DROSHA: variants seen among roughly 807,000 people sequenced by gnomAD.
DROSHA encodes ribonuclease 3.
In DROSHA, 56 loss-of-function variants were observed where a neutral mutation model predicts 181.9. That is an observed-to-expected ratio of 0.31 (90% CI 0.25 to 0.38). The LOEUF (loss-of-function observed/expected upper bound fraction) is 0.38. Ranked by LOEUF, DROSHA falls within the 10% of genes least tolerant of loss-of-function variation. The probability of loss-of-function intolerance (pLI) is 1.00; values close to 1 mark genes in which losing one functional copy is unlikely to be tolerated. For missense variants in DROSHA, 1,218 were observed against 1,743.5 expected, an observed-to-expected ratio of 0.70 and a Z score of 5.37; for synonymous variants, 524 against 591.2, an observed-to-expected ratio of 0.89 and a Z score of 1.65.
chr5:31,498,068 C>A (rs1053462612), intron 11 of DROSHA, among the ~76,000 whole-genome samples: 1 of 152,118 alleles, frequency 6.6e-6, no homozygotes, highest in East Asian at 1.9e-4. Context: ...TTAAACTATT[C>A]TTGTAAGGGG....
At chr5:31,469,517 C>T (rs768322160) in intron 17 of DROSHA, among the ~76,000 whole-genome samples, 1 of 152,142 alleles carries the variant, frequency 6.6e-6, no homozygotes, top group Non-Finnish European at 1.5e-5. Context: ...TATTTAAATG[C>T]CCATCAACAG....
At chr5:31,518,758 G>A (rs1739543690) in intron 6 of DROSHA, among the ~76,000 whole-genome samples, 1 of 152,148 alleles carries the variant, frequency 6.6e-6, no homozygotes, top group Non-Finnish European at 1.5e-5. Context: ...ATACGATAAA[G>A]CTAAAAGTGG....
rs528418603 is a variant in DROSHA at position 31,444,328 on chromosome 5, A to C, written c.2882+4219T>G. Among the ~76,000 whole-genome samples the C allele has an allele frequency of 1.8e-4, 28 of 152,290 alleles. 1 individual carries two copies. Among genetic ancestry groups the C allele is most frequent in the South Asian group, 8.3e-4 (4 of 4,826 alleles). On this transcript the variant is annotated intron_variant, in intron 23 of 35. Coordinates refer to ENST00000344624, the MANE Select transcript of DROSHA (RefSeq NM_001382508.1). ...TCAGCAAAAAGATCATATTCAAGGA[A>C]AGAGGCTCTCAACACAAGCAGCAAA...
At chr5:31,509,954 C>T (rs1738474102) in intron 9 of DROSHA, among the ~76,000 whole-genome samples, 1 of 150,634 alleles carries the variant, frequency 6.6e-6, no homozygotes, top group African/African-American at 2.4e-5. Flanking sequence ...GTTCTGGAGA[C>T]TGGTTGCAAA....
rs369423026 is a variant in DROSHA, at chr5:31,404,018, A to G, written c.3994+1659T>C. Among the ~76,000 whole-genome samples the G allele has an allele frequency of 1.2e-4, 18 of 152,126 alleles. 1 individual carries two copies. In the East Asian group the frequency reaches 2.7e-3, roughly 23 times the overall value. On this transcript the variant is annotated intron_variant, in intron 35 of 35. Transcript: ENST00000344624. ...CTGCAGCCTCGAACCCCTGGGCTCA[A>G]GTGATCCTCTGGCCTCAGCCTTCCA...
chr5:31,447,213 A>C lies in DROSHA; in HGVS notation c.2882+1334T>G, dbSNP rs141337049. 2.6e-3 allele frequency among the ~76,000 whole-genome samples: 400 copies of C among 152,314 alleles called. 6 individuals are homozygous for C. The highest frequency in any genetic ancestry group is 9.0e-3 in the African/African-American group (375 of 41,558). ...TTACATGGACACATAGAGGAGAACA[A>C]CACACACTAGGGCCTTTCGGAAGGT... On this transcript the variant is annotated intron_variant, in intron 23 of 35. Transcript: ENST00000344624.
chr5:31,483,172 T>A (rs932338144), intron 16 of DROSHA, among the ~76,000 whole-genome samples: 1 of 152,204 alleles, frequency 6.6e-6, no homozygotes, highest in Non-Finnish European at 1.5e-5. Context: ...CCTACTACCT[T>A]AATGTAACTA....
chr5:31,476,113 C>T (rs985339020), intron 16 of DROSHA, among the ~76,000 whole-genome samples: 5 of 152,168 alleles, frequency 3.3e-5, no homozygotes, highest in African/African-American at 1.2e-4. Context: ...GCCTGTAATC[C>T]CAGCACTTTG....
At chr5:31,484,010 AT>A (rs931061809) in intron 15 of DROSHA, among the ~76,000 whole-genome samples, 26 of 151,058 alleles carry the variant, frequency 1.7e-4, no homozygotes, top group Admixed American at 1.6e-3. Context: ...TAAAAAAAAA[AT>A]GTTGAGAAAT....
chr5:31,423,073 G>T, intron 28 of DROSHA, 129 bp from the exon 29 acceptor site: 2 of 815,202 alleles, frequency 2.5e-6, no homozygotes, highest in Non-Finnish European at 3.6e-6. Flanking sequence ...TGCCAATAAA[G>T]CATGGAAGCT....
intron 4 of DROSHA, among the ~76,000 whole-genome samples, chr5:31,528,653 C>T (rs1262820949): frequency 6.6e-6 from 1 of 152,120 alleles, no homozygotes; most frequent in Non-Finnish European, 1.5e-5. Flanking sequence ...TAATAATATC[C>T]TTGCTGGCCT....
intron 25 of DROSHA, among the ~76,000 whole-genome samples, chr5:31,433,701 C>G (rs576882309): frequency 6.6e-6 from 1 of 152,106 alleles, no homozygotes; most frequent in Non-Finnish European, 1.5e-5. Flanking sequence ...CCTGCCACCA[C>G]GCCTGGCTAA....
chr5:31,495,295 C>T lies in DROSHA; in HGVS notation c.1746G>A (p.Thr582=), dbSNP rs572424094. The T allele has an allele frequency of 5.6e-6, 9 of 1,613,506 alleles. No individual in the cohort carries two copies. Among genetic ancestry groups the T allele is most frequent in the South Asian group, 2.2e-5 (2 of 90,956 alleles). ...FHYRITVSPP[T]NFLTDRPTVI... is the part of the protein sequence containing the mutation. ...TTCTTTAGAAACTTACTAAAAAGTTCGTAGGCGGGGAGACTGTGATCCGGT... is the reference window on the plus strand; with the variant it reads ...TTCTTTAGAAACTTACTAAAAAGTTTGTAGGCGGGGAGACTGTGATCCGGT... The change falls in exon 12 of 36, where the codon ACG becomes ACA. Residue 582 remains threonine, a synonymous_variant. Transcript: ENST00000344624.
intron 30 of DROSHA, among the ~76,000 whole-genome samples, chr5:31,415,516 TTGTC>T (rs1284066999): frequency 1.3e-5 from 2 of 152,190 alleles, no homozygotes; most frequent in Non-Finnish European, 2.9e-5. Context: ...AAATACCTGT[TTGTC>T]TGAATGATTT....
chr5:31,506,857 T>C (rs11951216), intron 10 of DROSHA, among the ~76,000 whole-genome samples: 32,266 of 152,142 alleles, frequency 0.21, 4,063 homozygotes, highest in East Asian at 0.36. Context: ...ATCCTACATA[T>C]TCAGCCCTTC....
At chr5:31,421,008 T>C (rs1742594914) in intron 30 of DROSHA, among the ~76,000 whole-genome samples, 1 of 152,230 alleles carries the variant, frequency 6.6e-6, no homozygotes, top group African/African-American at 2.4e-5. Context: ...TAAACAGACT[T>C]GGTGTCAACT....
chr5:31,465,361 T>C (rs1370724541), intron 19 of DROSHA, among the ~76,000 whole-genome samples: 2 of 152,144 alleles, frequency 1.3e-5, no homozygotes, highest in Non-Finnish European at 2.9e-5. Context: ...ATATGAAACC[T>C]TACAAAATAA....
At position 31,451,607 on chromosome 5, in the gene DROSHA, T is replaced by A; in HGVS notation, c.2608A>T (p.Ile870Phe). Residue 870 changes from isoleucine to phenylalanine, a missense_variant, in exon 21 of 36, where the codon ATC becomes TTC. This residue lies in a region of DROSHA where 460 missense variants were observed against 774.2 expected (regional missense o/e 0.59). Coordinates refer to ENST00000344624, the MANE Select transcript of DROSHA (RefSeq NM_001382508.1). Reference protein sequence around the residue: ...AMMLPVLTHHIRYHQCLMHLD... With the variant: ...AMMLPVLTHHFRYHQCLMHLD... The stretch of plus-strand genomic sequence containing the variant: ...TGCATTAGGCATTGGTGGTAGCGGA[T>A]ATGATGGGTCAGAACAGGTAGCATC... 1.2e-6 allele frequency: 2 copies of A among 1,612,890 alleles called. No individual in the cohort carries two copies. Among genetic ancestry groups the A allele is most frequent in the Non-Finnish European group, 1.7e-6 (2 of 1,179,428 alleles).
chr5:31,508,604 G>T lies in DROSHA; in HGVS notation c.1587+17C>A. 6.2e-7 allele frequency: 1 copy of T among 1,613,774 alleles called. No individual in the cohort carries two copies. Among genetic ancestry groups the T allele is most frequent in the Non-Finnish European group, 8.5e-7 (1 of 1,179,830 alleles). On this transcript the variant is annotated intron_variant, in intron 10 of 35. Coordinates refer to ENST00000344624, the MANE Select transcript of DROSHA (RefSeq NM_001382508.1). ...CTGGGTTTGCAACCTTCACAGCAAG[G>T]GCATAAAAACACGCACCTGGCCTGG...
Sources: allele counts gnomAD v4.1 joint callset (sites outside exome capture counted in the v4.1 genomes callset), GRCh38; gene constraint gnomAD v4.1.1; regional missense constraint gnomAD v4.1.1; transcripts MANE v1.5; gene names NCBI Gene and HGNC (gene_info 2026-07-23, HGNC 2026-07-21).